EBF3: variants seen among roughly 807,000 people sequenced by gnomAD.
EBF3 encodes transcription factor COE3.
EBF3 carries 18 observed loss-of-function variants against 77.1 expected under a neutral mutation model. The ratio of observed to expected loss-of-function variants is 0.23; its 90% CI spans 0.16 to 0.35. EBF3 has a LOEUF of 0.35. Among genes scored for constraint, EBF3 ranks in the 10% least tolerant of loss-of-function variants. EBF3 has a pLI of 1.00. For synonymous variants in EBF3, 350 were observed against 343.5 expected, an observed-to-expected ratio of 1.02 and a Z score of -0.21; for missense variants, 558 against 860.0, an observed-to-expected ratio of 0.65 and a Z score of 4.39.
intron 7 of EBF3, among the ~76,000 whole-genome samples, chr10:129,877,482 A>C (rs1294295367): frequency 4.6e-5 from 1 of 21,948 alleles, no homozygotes; most frequent in Admixed American, 4.4e-4. Context: ...CTCTGTCTCC[A>C]AAAAAAAAAA....
chr10:129,867,688 A>C (rs954914466), intron 9 of EBF3, 94 bp downstream of exon 9: 3 of 1,562,862 alleles, frequency 1.9e-6, no homozygotes, highest in Admixed American at 3.5e-5. Context: ...GGAATTTGCC[A>C]TAGGGCACCT....
At chr10:129,961,212 C>T (rs576911855) in intron 4 of EBF3, among the ~76,000 whole-genome samples, 7 of 152,352 alleles carry the variant, frequency 4.6e-5, no homozygotes, top group African/African-American at 1.4e-4. Flanking sequence ...CCGAAGAAGC[C>T]ACTTTCATTT....
At chr10:129,921,597 C>A (rs997007503) in intron 6 of EBF3, among the ~76,000 whole-genome samples, 1 of 152,222 alleles carries the variant, frequency 6.6e-6, no homozygotes, top group Non-Finnish European at 1.5e-5. Flanking sequence ...GTCCATGCCA[C>A]CTTTGCAGCC....
At chr10:129,909,950 G>T (rs1855405726) in intron 6 of EBF3, among the ~76,000 whole-genome samples, 1 of 152,246 alleles carries the variant, frequency 6.6e-6, no homozygotes, top group African/African-American at 2.4e-5. Context: ...GGGGATTCAG[G>T]CAGGGAGCGT....
chr10:129,886,138 T>C (rs1853570525), intron 6 of EBF3, among the ~76,000 whole-genome samples: 1 of 151,200 alleles, frequency 6.6e-6, no homozygotes, highest in Non-Finnish European at 1.5e-5. Context: ...CCACACCAGC[T>C]TGCTTAATTA....
chr10:129,924,710 G>A (rs866925060), intron 6 of EBF3, among the ~76,000 whole-genome samples: 19 of 152,038 alleles, frequency 1.2e-4, no homozygotes, highest in African/African-American at 3.9e-4. Flanking sequence ...TCTGTTGCCC[G>A]AGCTAGAGTG....
intron 6 of EBF3, among the ~76,000 whole-genome samples, chr10:129,907,344 T>C (rs1490626258): frequency 1.3e-5 from 2 of 152,262 alleles, no homozygotes; most frequent in African/African-American, 4.8e-5. Flanking sequence ...ACAGGTATCC[T>C]GCACTGACTT....
Position 129,935,094 on chromosome 10 carries a change from TGGTGGTCCG to T in EBF3, c.554+22155_554+22163del, listed in dbSNP as rs1857265700. Among the ~76,000 whole-genome samples the T allele has an allele frequency of 6.6e-6, 1 of 152,182 alleles. No homozygotes were observed. Among genetic ancestry groups the T allele is most frequent in the African/African-American group, 2.4e-5 (1 of 41,438 alleles). On this transcript the variant is annotated intron_variant, in intron 6 of 16. Transcript: ENST00000440978. The surrounding 1 kb of genome is among the most constrained non-coding windows in gnomAD (Gnocchi z 4.2). ...CTCATCCTAACACATTAGCTGTAGC[TGGTGGTCCG>T]GTTCCCTAAGAACCGGACCCTCTAG...
chr10:129,925,567 G>A (rs1197671163), intron 6 of EBF3, among the ~76,000 whole-genome samples: 3 of 146,664 alleles, frequency 2.0e-5, no homozygotes, highest in African/African-American at 5.1e-5. Flanking sequence ...ACTCCAGCCT[G>A]GGTGGCAGAG....
chr10:129,950,008 G>A (rs1858540588), intron 6 of EBF3, among the ~76,000 whole-genome samples: 1 of 146,330 alleles, frequency 6.8e-6, no homozygotes, highest in East Asian at 2.1e-4. Flanking sequence ...GTGGAGGGTG[G>A]AGGGAGGAGG....
chr10:129,925,782 G>C (rs1446489436), intron 6 of EBF3, among the ~76,000 whole-genome samples: 1 of 152,038 alleles, frequency 6.6e-6, no homozygotes, highest in Admixed American at 6.5e-5. Context: ...CAATCACGCT[G>C]AACTGATGTT....
At chr10:129,850,038 C>T (rs924942199) in intron 10 of EBF3, among the ~76,000 whole-genome samples, 2 of 152,254 alleles carry the variant, frequency 1.3e-5, no homozygotes, top group Admixed American at 1.3e-4. Flanking sequence ...GGCCGCGGGG[C>T]GCGTGCGCAG....
At chr10:129,941,611 GGCGGCGGTGGAGGT>G (rs1374767942) in intron 6 of EBF3, among the ~76,000 whole-genome samples, 1 of 152,234 alleles carries the variant, frequency 6.6e-6, no homozygotes, top group Non-Finnish European at 1.5e-5. Context: ...TGGGCACTCT[GGCGGCGGTGGAGGT>G]GAGCAGGCAG....
chr10:129,884,828 TTGTC>T (rs1281288915), intron 6 of EBF3, among the ~76,000 whole-genome samples: 7 of 152,306 alleles, frequency 4.6e-5, no homozygotes, highest in South Asian at 2.1e-4. Flanking sequence ...CGACTGGCCT[TTGTC>T]TGGGGATTCT....
rs10530522 is a variant in EBF3 at position 129,846,108 on chromosome 10, T to TTGTGTGTGTGTGTGTG, written c.1128+2268_1128+2283dup. ...ATTGCCTTTATTTTCATTCTGGGCT[T>TTGTGTGTGTGTGTGTG]TGTGTGTGTGTGTGTGTGTGTGTGT... On this transcript the variant is annotated intron_variant, in intron 11 of 16. Transcript: ENST00000440978. 1.3e-3 allele frequency among the ~76,000 whole-genome samples: 185 copies of TTGTGTGTGTGTGTGTG among 139,684 alleles called. 1 individual carries two copies. The highest frequency in any genetic ancestry group is 4.4e-3 in the African/African-American group (169 of 38,146). The allele number at this position is 139,684 out of a possible 152,430, so 91.6% of individuals were successfully genotyped here. A position where few individuals can be genotyped will look rare whatever the true frequency, so the allele number is the denominator to read the frequency against.
intron 4 of EBF3, among the ~76,000 whole-genome samples, chr10:129,960,306 C>G (rs1483421387): frequency 1.3e-5 from 2 of 152,076 alleles, no homozygotes; most frequent in Non-Finnish European, 2.9e-5. Flanking sequence ...TCCAGGCGGA[C>G]AAAGCCCTTT....
chr10:129,958,239 G>A (rs760591471), intron 5 of EBF3, among the ~76,000 whole-genome samples: 28 of 152,236 alleles, frequency 1.8e-4, no homozygotes, highest in Admixed American at 7.2e-4. Context: ...ATGCCCCTCA[G>A]AGTATGCGGC....
At chr10:129,898,219 A>C (rs1469625859) in intron 6 of EBF3, among the ~76,000 whole-genome samples, 1 of 152,224 alleles carries the variant, frequency 6.6e-6, no homozygotes, top group Non-Finnish European at 1.5e-5. Context: ...GCAAAGTCAT[A>C]ATTAGGTGCC....
chr10:129,917,275 A>G (rs566641817), intron 6 of EBF3, among the ~76,000 whole-genome samples: 1 of 152,334 alleles, frequency 6.6e-6, no homozygotes, highest in African/African-American at 2.4e-5. Context: ...AGGCTGAGGC[A>G]GAAGAACCAC....
Sources: allele counts gnomAD v4.1 joint callset (sites outside exome capture counted in the v4.1 genomes callset), GRCh38; gene constraint gnomAD v4.1.1; non-coding constraint Gnocchi (gnomAD v3.1); transcripts MANE v1.5; gene names NCBI Gene and HGNC (gene_info 2026-07-23, HGNC 2026-07-21).